Variants in G3BP2 observed in about 807,000 individuals in gnomAD.
G3BP2 encodes ras GTPase-activating protein-binding protein 2.
In G3BP2, 11 loss-of-function variants were observed where a neutral mutation model predicts 56.7. The observed-to-expected ratio is 0.19, with a 90% CI of 0.12 to 0.32. The LOEUF is 0.32. Ranked by LOEUF, G3BP2 falls within the 10% of genes least tolerant of loss-of-function variation. The probability of loss-of-function intolerance (pLI) is 1.00; values close to 1 mark genes in which losing one functional copy is unlikely to be tolerated. For missense variants in G3BP2, 340 were observed against 610.9 expected, an observed-to-expected ratio of 0.56 and a Z score of 4.67; for synonymous variants, 165 against 191.6, an observed-to-expected ratio of 0.86 and a Z score of 1.15.
intron 3 of G3BP2, among the ~76,000 whole-genome samples, chr4:75,720,034 T>TTTTTTTTTTTTTTTTA (rs1577909354): frequency 6.8e-6 from 1 of 146,260 alleles, no homozygotes. Context: ...TTTTTTTTTT[T>TTTTTTTTTTTTTTTTA]GAGAAAGGGT....
At chr4:75,702,418 C>A (rs1053423510) in intron 3 of G3BP2, among the ~76,000 whole-genome samples, 1 of 152,208 alleles carries the variant, frequency 6.6e-6, no homozygotes, top group African/African-American at 2.4e-5. Flanking sequence ...GCTGGGATTA[C>A]AGGCGTGAGC....
rs560874844 is a variant in G3BP2, at chr4:75,650,653, C to T, written c.826-1912G>A. Among the ~76,000 whole-genome samples, 4 of 152,214 alleles carry T rather than the reference C, an allele frequency of 2.6e-5. No individual in the cohort carries two copies. The East Asian group carries it at 5.8e-4, about 22-fold the overall frequency. On this transcript the variant is annotated intron_variant, in intron 8 of 11. Transcript: ENST00000359707. ...AGTTATAAAATGAATATTTTTAACTCTCTCCAGGTTTTGTTGTTATTTATA... is the reference window on the plus strand; with the variant it reads ...AGTTATAAAATGAATATTTTTAACTTTCTCCAGGTTTTGTTGTTATTTATA...
intron 5 of G3BP2, among the ~76,000 whole-genome samples, chr4:75,656,268 G>A (rs540615224): frequency 6.0e-5 from 9 of 149,366 alleles, no homozygotes; most frequent in African/African-American, 1.0e-4. Context: ...CTGGGATTCC[G>A]GGCATGAGCC....
intron 3 of G3BP2, among the ~76,000 whole-genome samples, chr4:75,682,008 G>A (rs1345703214): frequency 6.6e-6 from 1 of 152,164 alleles, no homozygotes; most frequent in Non-Finnish European, 1.5e-5. Context: ...ACCAACCAGA[G>A]GGTAGAGCAG....
At position 75,643,389 on chromosome 4, in the gene G3BP2, G is replaced by C. The variant is rs1264227433; in HGVS notation, c.*2041C>G. 6.8e-6 allele frequency: 1 copy of C among 146,154 alleles called. No homozygotes were observed. Among genetic ancestry groups the C allele is most frequent in the African/African-American group, 2.5e-5 (1 of 39,242 alleles). 9.1% of individuals were successfully genotyped at this position (146,154 alleles called of 1,614,324 possible). On this transcript the variant is annotated 3_prime_UTR_variant, in exon 12 of 12. Transcript: ENST00000359707. Reference sequence around the variant, plus strand: ...CAATAAAACAACTGCTTCTTTAAAAGTAGTATTAATAAAGGCTTCAAAACT... The same window carrying C: ...CAATAAAACAACTGCTTCTTTAAAACTAGTATTAATAAAGGCTTCAAAACT...
chr4:75,665,571 C>G (rs535342626), intron 1 of G3BP2, among the ~76,000 whole-genome samples: 1 of 151,850 alleles, frequency 6.6e-6, no homozygotes, highest in African/African-American at 2.4e-5. Flanking sequence ...CAAGGCAAAA[C>G]CCCATCTAAA....
At chr4:75,716,230 T>G (rs1424278068) in intron 3 of G3BP2, among the ~76,000 whole-genome samples, 1 of 151,370 alleles carries the variant, frequency 6.6e-6, no homozygotes, top group Admixed American at 6.6e-5. Flanking sequence ...AGTGCAGTGG[T>G]GCAATCTCAG....
rs1328916337 is a variant in G3BP2, at chr4:75,643,736, T to G, written c.*1694A>C. ...ATGTCAAGTGCATATCTTGTCTGTT[T>G]TACAAAGATAGAATGGAGAAGTCTT... On this transcript the variant is annotated 3_prime_UTR_variant, in exon 12 of 12. Coordinates refer to ENST00000359707, the MANE Select transcript of G3BP2 (RefSeq NM_203505.3). 1.3e-5 allele frequency: 2 copies of G among 152,732 alleles called. No homozygotes were observed. Among genetic ancestry groups the G allele is most frequent in the Admixed American group, 1.3e-4 (2 of 15,294 alleles). The allele number at this position is 152,732 out of a possible 1,614,324, so 9.5% of individuals were successfully genotyped here. A position where few individuals can be genotyped will look rare whatever the true frequency, so the allele number is the denominator to read the frequency against.
chr4:75,686,511 T>C (rs1019946761), intron 3 of G3BP2, among the ~76,000 whole-genome samples: 2 of 134,832 alleles, frequency 1.5e-5, no homozygotes, highest in East Asian at 4.8e-4. Context: ...GGAAGTGCAG[T>C]GGTTGACATA....
At chr4:75,675,395 C>T (rs2149057654), upstream of G3BP2, among the ~76,000 whole-genome samples, 1 of 152,292 alleles carries the variant, frequency 6.6e-6, no homozygotes, top group South Asian at 2.1e-4. Flanking sequence ...GATAGTTGGG[C>T]CCCACTCCCT....
intron 1 of G3BP2, chr4:75,672,776 G>T (rs1733592653): frequency 6.5e-6 from 1 of 154,628 alleles, no homozygotes; most frequent in Non-Finnish European, 1.4e-5. Context: ...TACAAGAGCC[G>T]AAAACGATTC....
At position 75,709,054 on chromosome 4, in the gene G3BP2, G is replaced by A. The variant is rs538773225; in HGVS notation, c.-25+11823C>T. On this transcript the variant is annotated intron_variant, in intron 3 of 3. Coordinates refer to the G3BP2 transcript ENST00000499709. ...GAGTCCAGGAGTTGGGAGCTAAAGT[G>A]AGTCATAACCAGTCACTGCACTCCA... Among the ~76,000 whole-genome samples, 7 of 152,038 alleles carry A rather than the reference G, an allele frequency of 4.6e-5. No individual in the cohort carries two copies. The East Asian group carries it at 1.2e-3, about 25-fold the overall frequency.
At chr4:75,673,536 C>T (rs1733693883), upstream of G3BP2, 6 of 1,232,088 alleles carry the variant, frequency 4.9e-6, no homozygotes, top group South Asian at 8.2e-5. Flanking sequence ...CTTCCCGTGT[C>T]CCTCTGCGGA....
chr4:75,685,058 G>A lies in G3BP2; in HGVS notation c.-24-23009C>T, dbSNP rs192548315. 1.9e-3 allele frequency among the ~76,000 whole-genome samples: 286 copies of A among 152,168 alleles called. 1 individual carries two copies. Among genetic ancestry groups the A allele is most frequent in the African/African-American group, 6.6e-3 (276 of 41,528 alleles). ...TTACTGATTTTGATCTTGTTCTGTA[G>A]TTATATAGGATACCAATATTGGCAG... On this transcript the variant is annotated intron_variant, in intron 3 of 3. Transcript: ENST00000499709.
intron 3 of G3BP2, among the ~76,000 whole-genome samples, chr4:75,683,370 T>G (rs1734157387): frequency 6.6e-6 from 1 of 152,188 alleles, no homozygotes; most frequent in South Asian, 2.1e-4. Flanking sequence ...GAGACCAGCC[T>G]GGCCAACGTG....
chr4:75,714,106 T>G (rs565937020), intron 3 of G3BP2, among the ~76,000 whole-genome samples: 1 of 152,314 alleles, frequency 6.6e-6, no homozygotes, highest in South Asian at 2.1e-4. Flanking sequence ...AAAAACTTTT[T>G]CCCCAAAAAG....
intron 3 of G3BP2, among the ~76,000 whole-genome samples, chr4:75,707,129 G>T (rs1302506500): frequency 6.9e-6 from 1 of 144,362 alleles, no homozygotes; most frequent in Non-Finnish European, 1.5e-5. Context: ...AGCCAAGATC[G>T]CACCACTGCA....
chr4:75,681,731 C>T (rs1391873840), intron 3 of G3BP2, among the ~76,000 whole-genome samples: 1 of 151,590 alleles, frequency 6.6e-6, no homozygotes, highest in African/African-American at 2.4e-5. Context: ...TGCCTGTAGT[C>T]CCAGCTACTC....
upstream of G3BP2, chr4:75,673,541 T>A (rs143075194): frequency 4.5e-4 from 551 of 1,232,064 alleles, 2 homozygotes; most frequent in African/African-American, 7.7e-3. Flanking sequence ...CGTGTCCCTC[T>A]GCGGAGCACG....
Sources: gnomAD v4.1 joint callset for allele counts (sites outside exome capture counted in the v4.1 genomes callset) on GRCh38, gnomAD v4.1.1 for gene constraint, MANE v1.5 for transcripts, NCBI Gene and HGNC (gene_info 2026-07-23, HGNC 2026-07-21) for gene names.